Variants in SULF1 observed in about 807,000 individuals in gnomAD.
SULF1 encodes extracellular sulfatase Sulf-1.
A neutral mutation model predicts 110.5 loss-of-function variants in SULF1; 46 were observed. The ratio of observed to expected loss-of-function variants is 0.42; its 90% confidence interval spans 0.33 to 0.53. The LOEUF is 0.53. SULF1 is among the 20% of genes least tolerant of loss of function. SULF1 has a pLI of 0.12. For missense variants in SULF1, 941 were observed against 1,094.2 expected, an observed-to-expected ratio of 0.86 and a Z score of 1.98; for synonymous variants, 371 against 387.1, an observed-to-expected ratio of 0.96 and a Z score of 0.49.
intron 3 of SULF1, among the ~76,000 whole-genome samples, chr8:69,506,235 TACACAC>T (rs10656748): frequency 1.5e-4 from 22 of 149,798 alleles, no homozygotes; most frequent in South Asian, 2.1e-4. Context: ...ACACTAAACA[TACACAC>T]ACACACACAC....
intron 3 of SULF1, among the ~76,000 whole-genome samples, chr8:69,550,220 A>G (rs1814595642): frequency 6.6e-6 from 1 of 151,952 alleles, no homozygotes; most frequent in African/African-American, 2.4e-5. Context: ...TTCTGCCCTT[A>G]CTGTGTAATC....
intron 1 of SULF1, among the ~76,000 whole-genome samples, chr8:69,468,016 C>T (rs913991732): frequency 7.9e-5 from 12 of 152,104 alleles, no homozygotes; most frequent in African/African-American, 2.7e-4. Flanking sequence ...AATTCAGGCT[C>T]TATTTTCACA....
At chr8:69,641,990 AC>A (rs1025955727) in intron 22 of SULF1, among the ~76,000 whole-genome samples, 5 of 152,004 alleles carry the variant, frequency 3.3e-5, no homozygotes, top group African/African-American at 1.2e-4. Context: ...CAGGTCTGCC[AC>A]CCGAAGCAGC....
intron 18 of SULF1, among the ~76,000 whole-genome samples, chr8:69,628,918 C>T (rs1485384330): frequency 6.6e-6 from 1 of 152,120 alleles, no homozygotes; most frequent in South Asian, 2.1e-4. Context: ...CTGTCATTCA[C>T]ATTAACATTT....
chr8:69,507,608 A>C (rs1191856161), intron 3 of SULF1, among the ~76,000 whole-genome samples: 1 of 152,230 alleles, frequency 6.6e-6, no homozygotes, highest in Non-Finnish European at 1.5e-5. Flanking sequence ...TAGGGCTTAA[A>C]ACAAATAAGC....
intron 3 of SULF1, among the ~76,000 whole-genome samples, chr8:69,506,655 C>T (rs7821443): frequency 0.015 from 2,236 of 152,256 alleles, 51 homozygotes; most frequent in African/African-American, 0.052. Flanking sequence ...TAAAATTGTG[C>T]TTTGCCTGAT....
At chr8:69,597,604 G>T (rs1807445108) in intron 8 of SULF1, 1 of 152,208 alleles carries the variant, frequency 6.6e-6, no homozygotes, top group African/African-American at 2.4e-5. Context: ...AAGCTTCCCT[G>T]TTCCTCCAAG....
At chr8:69,627,414 T>C (rs1427634394) in intron 16 of SULF1, 108 bp downstream of exon 16, 2 of 722,696 alleles carry the variant, frequency 2.8e-6, no homozygotes. Context: ...TCTATAATTA[T>C]GTGAAAAAAT....
chr8:69,488,617 A>T (rs1809794116), upstream of SULF1, among the ~76,000 whole-genome samples: 1 of 152,086 alleles, frequency 6.6e-6, no homozygotes, highest in Admixed American at 6.5e-5. Flanking sequence ...TATTACTACT[A>T]CTGTCTGATC....
At chr8:69,586,836 A>G (rs1384276685) in intron 7 of SULF1, among the ~76,000 whole-genome samples, 1 of 152,124 alleles carries the variant, frequency 6.6e-6, no homozygotes, top group Non-Finnish European at 1.5e-5. Context: ...CACATAATCA[A>G]ATGTTCATCT....
At chr8:69,592,228 G>A (rs954532684) in intron 8 of SULF1, among the ~76,000 whole-genome samples, 1 of 152,174 alleles carries the variant, frequency 6.6e-6, no homozygotes, top group Non-Finnish European at 1.5e-5. Flanking sequence ...TCTAAGATGT[G>A]TCCTAGAAAC....
Position 69,659,503 on chromosome 8 carries a change from C to G in SULF1, c.*968C>G, listed in dbSNP as rs534548427. On this transcript the variant is annotated 3_prime_UTR_variant, in exon 23 of 23. Transcript: ENST00000402687. ...GAGACTCATCGTTATAATTTACTAT[C>G]TGCCAAGAGTAGAAAGAAAGGCTGG... is the stretch of plus-strand genomic sequence containing the variant. The G allele has an allele frequency of 1.5e-5, 4 of 262,050 alleles. No individual in the cohort carries two copies. In the South Asian group the frequency reaches 1.8e-4, roughly 12 times the overall value. 16.2% of individuals were successfully genotyped at this position (262,050 alleles called of 1,614,324 possible). A position where few individuals can be genotyped will look rare whatever the true frequency, so the allele number is the denominator to read the frequency against.
intron 3 of SULF1, among the ~76,000 whole-genome samples, chr8:69,503,427 G>A (rs934584360): frequency 2.0e-5 from 3 of 152,146 alleles, no homozygotes; most frequent in East Asian, 3.9e-4. Context: ...AAGCTCTAAC[G>A]TAAGAAGGAA....
intron 1 of SULF1, among the ~76,000 whole-genome samples, chr8:69,475,177 T>C (rs1809248823): frequency 6.6e-6 from 1 of 152,250 alleles, no homozygotes; most frequent in East Asian, 1.9e-4. Flanking sequence ...CTCTGTGCCT[T>C]GCTATAATAA....
At position 69,600,726 on chromosome 8, in the gene SULF1, G is replaced by A. The variant is rs61746702; in HGVS notation, c.858G>A (p.Leu286=). Residue 286 remains leucine, a synonymous_variant, in exon 9 of 23, where the codon TTG becomes TTA. Coordinates refer to ENST00000402687, the MANE Select transcript of SULF1 (RefSeq NM_001128205.2). ...TACAGCGCAAAAGGCTCCAGACTTTGATGTCAGTGGATGATTCTGTGGAGA... is the reference window on the plus strand; with the variant it reads ...TACAGCGCAAAAGGCTCCAGACTTTAATGTCAGTGGATGATTCTGTGGAGA... ...NILQRKRLQT[L]MSVDDSVERL... 1,530 of 1,613,932 alleles carry A rather than the reference G, an allele frequency of 9.5e-4. 15 individuals carry two copies. The African/African-American group carries it at 0.018, about 19-fold the overall frequency.
chr8:69,605,267 C>G (rs1418331540), intron 13 of SULF1, among the ~76,000 whole-genome samples: 1 of 152,164 alleles, frequency 6.6e-6, no homozygotes, highest in South Asian at 2.1e-4. Flanking sequence ...GCTACTTAGT[C>G]AAAGCACAGG....
intron 3 of SULF1, among the ~76,000 whole-genome samples, chr8:69,506,606 TC>T (rs1165607150): frequency 6.6e-6 from 1 of 152,216 alleles, no homozygotes; most frequent in Admixed American, 6.5e-5. Context: ...CTGAGACCTG[TC>T]CCAGCAGGTG....
intron 13 of SULF1, among the ~76,000 whole-genome samples, chr8:69,610,660 C>G (rs535537643): frequency 6.6e-6 from 1 of 152,352 alleles, no homozygotes; most frequent in African/African-American, 2.4e-5. Flanking sequence ...CTAATTAAAT[C>G]TTTGACTTCT....
At chr8:69,558,571 C>G (rs1280318060) in intron 3 of SULF1, among the ~76,000 whole-genome samples, 1 of 152,170 alleles carries the variant, frequency 6.6e-6, no homozygotes, top group Non-Finnish European at 1.5e-5. Flanking sequence ...AGAATTTTAT[C>G]ACTCATCAAC....
Sources: allele counts gnomAD v4.1 joint callset (sites outside exome capture counted in the v4.1 genomes callset), GRCh38; gene constraint gnomAD v4.1.1; transcripts MANE v1.5; gene names NCBI Gene and HGNC (gene_info 2026-07-23, HGNC 2026-07-21).